NRXN1: variants seen among roughly 807,000 people sequenced by gnomAD.
NRXN1 encodes neurexin 1, also known as neurexin-1.
A neutral mutation model predicts 150.9 loss-of-function variants in NRXN1; 39 were observed. The observed-to-expected ratio is 0.26, with a 90% CI of 0.20 to 0.34. The LOEUF (loss-of-function observed/expected upper bound fraction) is 0.34. Among genes scored for constraint, NRXN1 ranks in the 10% least tolerant of loss-of-function variants. The pLI is 1.00. For missense variants in NRXN1, 1,815 were observed against 1,949.9 expected, an observed-to-expected ratio of 0.93 and a Z score of 1.30; for synonymous variants, 924 against 757.0, an observed-to-expected ratio of 1.22 and a Z score of -3.62.
chr2:50,731,207 AAAC>A (rs1698058920), intron 5 of NRXN1, among the ~76,000 whole-genome samples: 1 of 152,224 alleles, frequency 6.6e-6, no homozygotes, highest in Non-Finnish European at 1.5e-5. Flanking sequence ...TCTTCTATAA[AAAC>A]AAACATAACA....
intron 17 of NRXN1, among the ~76,000 whole-genome samples, chr2:50,294,860 G>A (rs114596216): frequency 6.6e-6 from 1 of 152,164 alleles, no homozygotes; most frequent in African/African-American, 2.4e-5. Flanking sequence ...TCCTGGGAAA[G>A]TTTAAATTAC....
chr2:50,965,925 G>T (rs904423626), intron 2 of NRXN1, among the ~76,000 whole-genome samples: 1 of 151,266 alleles, frequency 6.6e-6, no homozygotes, highest in Non-Finnish European at 1.5e-5. Context: ...TTTTACATGA[G>T]ACCAGTAAAT....
chr2:50,144,951 A>G (rs545996618), intron 18 of NRXN1, among the ~76,000 whole-genome samples: 183 of 151,942 alleles, frequency 1.2e-3, no homozygotes, highest in African/African-American at 4.3e-3. Context: ...TTCACAAATA[A>G]TTCATTAAAA....
At chr2:50,028,645 C>T (rs911858957) in intron 21 of NRXN1, among the ~76,000 whole-genome samples, 3 of 152,204 alleles carry the variant, frequency 2.0e-5, no homozygotes, top group African/African-American at 7.2e-5. Flanking sequence ...AGGCTAAGGC[C>T]ATGCCTGGCA....
chr2:50,800,506 T>G (rs1416068016), intron 5 of NRXN1, among the ~76,000 whole-genome samples: 1 of 152,332 alleles, frequency 6.6e-6, no homozygotes, highest in East Asian at 1.9e-4. Flanking sequence ...ACTGCCTAAC[T>G]CAGTGTAGTC....
At chr2:50,596,940 C>T (rs140880032) in intron 8 of NRXN1, among the ~76,000 whole-genome samples, 5 of 136,626 alleles carry the variant, frequency 3.7e-5, no homozygotes, top group Non-Finnish European at 7.6e-5. Flanking sequence ...GATCACAGTG[C>T]GGTATAACCT....
rs1427721495 is a variant in NRXN1 at position 50,236,873 on chromosome 2, T to C, written c.3462A>G (p.Ile1154Met). 6 of 1,613,326 alleles carry C rather than the reference T, an allele frequency of 3.7e-6. No homozygotes were observed. Among genetic ancestry groups the C allele is most frequent in the South Asian group, 1.1e-5 (1 of 91,078 alleles). Residue 1154 changes from isoleucine to methionine, a missense_variant, in exon 18 of 23, where the codon ATA becomes ATG. Ile to Met is a conservative substitution (Grantham distance 10, BLOSUM62 1). This residue lies in a region of NRXN1 where 339 missense variants were observed against 440.3 expected (regional missense o/e 0.77). Transcript: ENST00000401669. Reference sequence around the variant, plus strand: ...CTTCTTTCTGAACAGTGCTAAAACCTATGGCCAGTCTGTCTGCTCGTGTAC... The same window carrying C: ...CTTCTTTCTGAACAGTGCTAAAACCCATGGCCAGTCTGTCTGCTCGTGTAC... ...RPSTRADRLA[I>M]GFSTVQKEAV...
intron 5 of NRXN1, among the ~76,000 whole-genome samples, chr2:50,869,054 C>T (rs1574770753): frequency 6.6e-6 from 1 of 151,804 alleles, no homozygotes; most frequent in Middle Eastern, 3.4e-3. Flanking sequence ...TAGTCCAATC[C>T]TCTTTAGGCC....
chr2:50,203,591 C>T (rs776496699), intron 18 of NRXN1, among the ~76,000 whole-genome samples: 2 of 152,126 alleles, frequency 1.3e-5, no homozygotes, highest in African/African-American at 4.8e-5. Context: ...TCTATCTAGA[C>T]ATCATGAAGA....
intron 22 of NRXN1, among the ~76,000 whole-genome samples, chr2:49,942,092 A>G (rs1010861068): frequency 1.3e-5 from 2 of 152,186 alleles, no homozygotes; most frequent in African/African-American, 4.8e-5. Context: ...ATGTGACTTT[A>G]TCTGTCACGA....
intron 8 of NRXN1, among the ~76,000 whole-genome samples, chr2:50,579,666 T>C (rs1023832597): frequency 6.6e-6 from 1 of 152,078 alleles, no homozygotes; most frequent in African/African-American, 2.4e-5. Flanking sequence ...TAAAAAAATA[T>C]ATATATTTTG....
At chr2:50,596,019 T>C (rs566956093) in intron 8 of NRXN1, among the ~76,000 whole-genome samples, 2 of 152,322 alleles carry the variant, frequency 1.3e-5, no homozygotes, top group East Asian at 1.9e-4. Context: ...CATAAGCATA[T>C]ATATTCCTAG....
intron 17 of NRXN1, among the ~76,000 whole-genome samples, chr2:50,295,180 G>T (rs1296247999): frequency 6.6e-6 from 1 of 152,100 alleles, no homozygotes; most frequent in Non-Finnish European, 1.5e-5. Context: ...ATAGCATGTG[G>T]TATCAATTAA....
intron 5 of NRXN1, among the ~76,000 whole-genome samples, chr2:50,866,949 G>C (rs1413078581): frequency 6.6e-6 from 1 of 151,880 alleles, no homozygotes; most frequent in African/African-American, 2.4e-5. Flanking sequence ...AACAGGGTCT[G>C]TTTCCATAAT....
At chr2:50,564,692 G>A (rs564599989) in intron 8 of NRXN1, among the ~76,000 whole-genome samples, 2 of 152,236 alleles carry the variant, frequency 1.3e-5, no homozygotes, top group African/African-American at 2.4e-5. Context: ...TTGAACACAT[G>A]TAACTGTTGT....
In NRXN1 at chr2:50,152,030, C is replaced by A. The variant is rs2058726594; in HGVS notation, c.3547-60536G>T. Among the ~76,000 whole-genome samples, 3 of 151,696 alleles carry A rather than the reference C, an allele frequency of 2.0e-5. No individual in the cohort carries two copies. The South Asian group carries it at 6.2e-4, about 32-fold the overall frequency. The stretch of plus-strand genomic sequence containing the variant: ...TTCAATATTTCATTTTTAATTTTTT[C>A]TTATTGTGGTATAATATACATAACA... On this transcript the variant is annotated intron_variant, in intron 18 of 22. Coordinates refer to ENST00000401669, the MANE Select transcript of NRXN1 (RefSeq NM_001330078.2).
At chr2:50,738,295 CCTAA>C (rs1289634611) in intron 5 of NRXN1, among the ~76,000 whole-genome samples, 3 of 152,134 alleles carry the variant, frequency 2.0e-5, no homozygotes, top group Middle Eastern at 3.2e-3. Flanking sequence ...CTCCACTGAC[CCTAA>C]CTATTTGCTA....
chr2:50,842,596 T>C (rs966725518), intron 5 of NRXN1, among the ~76,000 whole-genome samples: 4 of 152,212 alleles, frequency 2.6e-5, no homozygotes, highest in Non-Finnish European at 4.4e-5. Context: ...TTATTTGCTA[T>C]ACCTGGGAAC....
intron 19 of NRXN1, among the ~76,000 whole-genome samples, chr2:50,069,388 T>C (rs1695861412): frequency 1.3e-5 from 2 of 152,240 alleles, no homozygotes; most frequent in South Asian, 4.2e-4. Context: ...TATCAGATGG[T>C]GTTGTTGTAA....
Sources: allele counts gnomAD v4.1 joint callset (sites outside exome capture counted in the v4.1 genomes callset), GRCh38; gene constraint gnomAD v4.1.1; regional missense constraint gnomAD v4.1.1; transcripts MANE v1.5; gene names NCBI Gene and HGNC (gene_info 2026-07-23, HGNC 2026-07-21).